DNAI4: variants seen among roughly 807,000 people sequenced by gnomAD.
The protein encoded by DNAI4 is WD repeat domain 78.
Under a neutral mutation model 105.8 loss-of-function variants are expected in DNAI4, and 85 were observed. That is an observed-to-expected ratio of 0.80 (90% confidence interval 0.67 to 0.96). DNAI4 has a LOEUF of 0.96. Among genes scored for constraint, DNAI4 ranks in the 40% least tolerant of loss-of-function variants. The pLI is 0.00. For missense variants in DNAI4, 1,014 were observed against 1,005.6 expected (o/e 1.01, Z -0.11); for synonymous variants, 352 against 331.5 (o/e 1.06, Z -0.67).
intron 2 of DNAI4, among the ~76,000 whole-genome samples, chr1:66,901,793 C>T (rs1648843019): frequency 6.6e-6 from 1 of 151,970 alleles, no homozygotes; most frequent in Non-Finnish European, 1.5e-5. Context: ...TTTTTCTTTC[C>T]TTTTTTCTTT....
chr1:66,898,190 G>A (rs895461108), intron 2 of DNAI4, among the ~76,000 whole-genome samples: 1 of 152,192 alleles, frequency 6.6e-6, no homozygotes, highest in African/African-American at 2.4e-5. Flanking sequence ...GAATGGGAAT[G>A]TATACCCCAT....
intron 7 of DNAI4, among the ~76,000 whole-genome samples, chr1:66,853,292 A>C (rs1212784980): frequency 6.6e-6 from 1 of 152,232 alleles, no homozygotes; most frequent in Non-Finnish European, 1.5e-5. Context: ...CCACAGGTTT[A>C]TGGATTGACG....
At chr1:66,864,665 C>T (rs937843804) in intron 6 of DNAI4, among the ~76,000 whole-genome samples, 13 of 152,156 alleles carry the variant, frequency 8.5e-5, no homozygotes, top group African/African-American at 3.1e-4. Context: ...TCCTGGCCAA[C>T]ATGGTGAAAC....
intron 8 of DNAI4, among the ~76,000 whole-genome samples, chr1:66,846,345 T>C (rs142987961): frequency 7.3e-4 from 111 of 152,302 alleles, no homozygotes; most frequent in African/African-American, 2.5e-3. Context: ...ACTTTTTCTT[T>C]TTAAATGTAA....
intron 4 of DNAI4, among the ~76,000 whole-genome samples, chr1:66,881,794 CA>C (rs1647076909): frequency 6.6e-6 from 1 of 152,186 alleles, no homozygotes; most frequent in African/African-American, 2.4e-5. Flanking sequence ...TAGAAGAGAC[CA>C]GGGGTGGAAT....
At chr1:66,855,801 A>G (rs1457384212) in intron 7 of DNAI4, among the ~76,000 whole-genome samples, 1 of 152,172 alleles carries the variant, frequency 6.6e-6, no homozygotes, top group Non-Finnish European at 1.5e-5. Context: ...AGATCAACAG[A>G]CAGAAAATCA....
chr1:66,911,661 AC>A (rs1649666084), intron 1 of DNAI4, among the ~76,000 whole-genome samples: 1 of 152,230 alleles, frequency 6.6e-6, no homozygotes, highest in Admixed American at 6.5e-5. Context: ...ATATCACAGT[AC>A]ATAATACAGT....
At chr1:66,833,874 C>T in intron 12 of DNAI4, 117 bp downstream of exon 12, 1 of 1,401,630 alleles carries the variant, frequency 7.1e-7, no homozygotes, top group African/African-American at 1.4e-5. Context: ...AAAACCATGA[C>T]CAACCCAATT....
chr1:66,920,070 G>A (rs1414158443), intron 1 of DNAI4, among the ~76,000 whole-genome samples: 1 of 152,164 alleles, frequency 6.6e-6, no homozygotes, highest in Non-Finnish European at 1.5e-5. Context: ...CTTGAATGCT[G>A]CCTTTTCAAA....
At chr1:66,881,252 G>A (rs1049276173) in intron 4 of DNAI4, among the ~76,000 whole-genome samples, 1 of 152,250 alleles carries the variant, frequency 6.6e-6, no homozygotes, top group South Asian at 2.1e-4. Context: ...CTGCCTAGTG[G>A]AGCCTTGAGA....
intron 13 of DNAI4, among the ~76,000 whole-genome samples, chr1:66,833,382 C>T (rs974082628): frequency 1.3e-5 from 2 of 152,088 alleles, no homozygotes; most frequent in African/African-American, 2.4e-5. Context: ...ATTAGTAAGT[C>T]ATTCCCTATT....
intron 10 of DNAI4, among the ~76,000 whole-genome samples, chr1:66,836,196 GAAA>G (rs1645992533): frequency 3.0e-5 from 2 of 66,472 alleles, no homozygotes; most frequent in Non-Finnish European, 6.4e-5. Context: ...AAGAAAGAAA[GAAA>G]GAAAGAAAGA....
chr1:66,822,191 A>C (rs889811344), intron 16 of DNAI4, among the ~76,000 whole-genome samples, 170 bp downstream of exon 16: 1 of 152,184 alleles, frequency 6.6e-6, no homozygotes, highest in Non-Finnish European at 1.5e-5. Flanking sequence ...CTGAAAAAAA[A>C]AAAATAACCC....
intron 1 of DNAI4, among the ~76,000 whole-genome samples, chr1:66,908,936 C>T (rs1438173331): frequency 6.6e-6 from 1 of 152,202 alleles, no homozygotes; most frequent in Non-Finnish European, 1.5e-5. Context: ...ACTGTCACAT[C>T]TATGCACTTG....
At position 66,835,767 on chromosome 1, in the gene DNAI4, C is replaced by G. The variant is rs759264133; in HGVS notation, c.1592G>C (p.Arg531Pro). The G allele has an allele frequency of 6.2e-7, 1 of 1,613,744 alleles. No homozygotes were observed. Among genetic ancestry groups the G allele is most frequent in the Non-Finnish European group, 8.5e-7 (1 of 1,179,908 alleles). Reference protein sequence around the residue: ...WSIKNPMWPERIYQSPYGVTA... With the variant: ...WSIKNPMWPEPIYQSPYGVTA... ...AACTCCATATGGACTCTGATAAATA[C>G]GTTCTGGCCACTAAATTTTAAAAAA... Residue 531 changes from arginine (R) to proline (P), a missense_variant, in exon 11 of 17, where the codon CGT becomes CCT. Physicochemically the swap from Arg to Pro is moderately radical, Grantham distance 103. Coordinates refer to ENST00000371026, the MANE Select transcript of DNAI4 (RefSeq NM_024763.5).
chr1:66,899,686 T>A (rs2100807882), intron 2 of DNAI4, among the ~76,000 whole-genome samples: 1 of 152,330 alleles, frequency 6.6e-6, no homozygotes, highest in East Asian at 1.9e-4. Flanking sequence ...CTTCTAAGAG[T>A]GTTACAGTTT....
chr1:66,880,403 A>C (rs920655348), intron 4 of DNAI4, among the ~76,000 whole-genome samples: 7 of 152,196 alleles, frequency 4.6e-5, no homozygotes, highest in Non-Finnish European at 1.0e-4. Flanking sequence ...CATGGCTTTG[A>C]CCAAAATGCT....
chr1:66,839,921 T>G (rs1646112522), intron 9 of DNAI4, among the ~76,000 whole-genome samples: 1 of 152,196 alleles, frequency 6.6e-6, no homozygotes, highest in East Asian at 1.9e-4. Flanking sequence ...TAATAGTACC[T>G]AATTCATAGG....
At chr1:66,878,627 TA>T (rs1647006216) in intron 4 of DNAI4, among the ~76,000 whole-genome samples, 1 of 152,208 alleles carries the variant, frequency 6.6e-6, no homozygotes, top group Non-Finnish European at 1.5e-5. Context: ...TCTATATCTC[TA>T]TTAAGCTAAA....
Sources: gnomAD v4.1 joint callset for allele counts (sites outside exome capture counted in the v4.1 genomes callset) on GRCh38, gnomAD v4.1.1 for gene constraint, MANE v1.5 for transcripts, NCBI Gene and HGNC (gene_info 2026-07-23, HGNC 2026-07-21) for gene names.